PLXNA4: variants seen among roughly 807,000 people sequenced by gnomAD.
The protein encoded by PLXNA4 is plexin-A4.
A neutral mutation model predicts 191.8 loss-of-function variants in PLXNA4; 44 were observed. The ratio of observed to expected loss-of-function variants is 0.23; its 90% CI spans 0.18 to 0.29. PLXNA4 has a LOEUF of 0.29. PLXNA4 is among the 10% of genes least tolerant of loss of function. The pLI is 1.00. For synonymous variants in PLXNA4, 1,082 were observed against 1,009.5 expected (o/e 1.07, Z -1.36); for missense variants, 1,800 against 2,488.8 (o/e 0.72, Z 5.89).
intron 4 of PLXNA4, 61 bp downstream of exon 4, chr7:132,298,030 T>C: frequency 6.2e-7 from 1 of 1,606,712 alleles, no homozygotes; most frequent in Non-Finnish European, 8.5e-7. Context: ...AGGTTTGTAC[T>C]GAGCCACAGG....
At chr7:132,159,402 G>A in intron 25 of PLXNA4, 71 bp downstream of exon 25, 1 of 1,581,848 alleles carries the variant, frequency 6.3e-7, no homozygotes, top group South Asian at 1.2e-5. Context: ...CCCTGCCTCT[G>A]CTGACAGGAG....
chr7:132,239,081 T>G (rs1798796504), intron 5 of PLXNA4, among the ~76,000 whole-genome samples: 1 of 152,228 alleles, frequency 6.6e-6, no homozygotes. Context: ...ATGCTGAGAC[T>G]GGAGCAGCTG....
At chr7:132,518,315 C>T (rs1799023364) in intron 1 of PLXNA4, among the ~76,000 whole-genome samples, 2 of 152,176 alleles carry the variant, frequency 1.3e-5, no homozygotes, top group South Asian at 4.1e-4. Flanking sequence ...CAAGTCAAAG[C>T]AACTGTCTTC....
At chr7:132,534,065 C>T (rs1043672366) in intron 1 of PLXNA4, among the ~76,000 whole-genome samples, 14 of 152,048 alleles carry the variant, frequency 9.2e-5, no homozygotes, top group Non-Finnish European at 1.6e-4. Flanking sequence ...ATGAGAACTC[C>T]CAAGGCCAGC....
chr7:132,159,329 G>A (rs901817809), intron 25 of PLXNA4, 144 bp downstream of exon 25: 85 of 1,344,742 alleles, frequency 6.3e-5, no homozygotes, highest in South Asian at 1.3e-4. Context: ...GGGCTCCTGC[G>A]GGGGTCCAGC....
intron 2 of PLXNA4, among the ~76,000 whole-genome samples, chr7:132,618,524 T>C (rs1803198158): frequency 6.6e-6 from 1 of 152,274 alleles, no homozygotes; most frequent in South Asian, 2.1e-4. Flanking sequence ...AACCTCTGAC[T>C]GTTCTCTGCC....
intron 3 of PLXNA4, among the ~76,000 whole-genome samples, chr7:132,333,784 T>C (rs1274966928): frequency 6.6e-6 from 1 of 152,148 alleles, no homozygotes; most frequent in Non-Finnish European, 1.5e-5. Context: ...CCTGTGGGGA[T>C]AAGACACTTC....
Position 132,228,400 on chromosome 7 carries a change from A to G in PLXNA4, c.1674T>C (p.Cys558=), listed in dbSNP as rs1455143987. Residue 558 remains cysteine (C), a synonymous_variant, in exon 6 of 32, where the codon TGT becomes TGC. Transcript: ENST00000321063. ...PRRFASEMKQ[C]VRLTVHPNNI... is the part of the protein sequence containing the mutation. ...TGTTGGGATGGACCGTCAGCCGGAC[A>G]CACTGCTTCATCTCCGAGGCAAACC... 4.3e-6 allele frequency: 7 copies of G among 1,614,002 alleles called. No individual in the cohort carries two copies. Among genetic ancestry groups the G allele is most frequent in the Non-Finnish European group, 5.9e-6 (7 of 1,180,030 alleles).
intron 3 of PLXNA4, chr7:132,352,254 G>C (rs1803519049): frequency 6.6e-6 from 1 of 152,540 alleles, no homozygotes; most frequent in Admixed American, 6.5e-5. Flanking sequence ...TAAGTGCCCA[G>C]AGGCCGAAGC....
At chr7:132,578,690 C>G (rs981418498), upstream of PLXNA4, among the ~76,000 whole-genome samples, 1 of 152,114 alleles carries the variant, frequency 6.6e-6, no homozygotes, top group African/African-American at 2.4e-5. Flanking sequence ...GAAGATGAAC[C>G]AAGCCAGAAT....
intron 5 of PLXNA4, among the ~76,000 whole-genome samples, chr7:132,235,439 A>G (rs1787862731): frequency 6.6e-6 from 1 of 152,190 alleles, no homozygotes; most frequent in South Asian, 2.1e-4. Flanking sequence ...TCCACTTGCC[A>G]TCTTGGAAGA....
At chr7:132,470,205 TC>T (rs1453108127) in intron 3 of PLXNA4, among the ~76,000 whole-genome samples, 2 of 152,130 alleles carry the variant, frequency 1.3e-5, no homozygotes, top group African/African-American at 4.8e-5. Flanking sequence ...TCAATAAATA[TC>T]CAAGAGGGAG....
At chr7:132,331,338 C>G (rs1802583278) in intron 3 of PLXNA4, among the ~76,000 whole-genome samples, 2 of 152,334 alleles carry the variant, frequency 1.3e-5, no homozygotes, top group South Asian at 2.1e-4. Flanking sequence ...CTCACCTTTG[C>G]CAAGGACAGA....
At chr7:132,157,621 CT>C (rs1482760932) in intron 25 of PLXNA4, among the ~76,000 whole-genome samples, 1 of 152,172 alleles carries the variant, frequency 6.6e-6, no homozygotes, top group Non-Finnish European at 1.5e-5. Flanking sequence ...ATGAAGGAGC[CT>C]GCTCCTATCA....
chr7:132,206,471 T>C (rs28698799), intron 10 of PLXNA4, among the ~76,000 whole-genome samples: 2,551 of 148,888 alleles, frequency 0.017, 60 homozygotes, highest in African/African-American at 0.047. Context: ...TGTGTGTGTG[T>C]GCGCATGTGT....
intron 25 of PLXNA4, among the ~76,000 whole-genome samples, chr7:132,157,964 C>A (rs1244663618): frequency 6.6e-6 from 1 of 152,208 alleles, no homozygotes; most frequent in Non-Finnish European, 1.5e-5. Context: ...CAGGTCTGGT[C>A]TGGCTCTAAG....
At chr7:132,148,087 G>A in intron 26 of PLXNA4, 88 bp from the exon 27 acceptor site, 1 of 1,592,194 alleles carries the variant, frequency 6.3e-7, no homozygotes, top group Non-Finnish European at 8.6e-7. Context: ...TTGGCACTAA[G>A]GGGAAATTGG....
chr7:132,475,758 T>TA (rs561862631), intron 3 of PLXNA4, among the ~76,000 whole-genome samples: 8 of 150,362 alleles, frequency 5.3e-5, no homozygotes, highest in East Asian at 2.0e-4. Context: ...AAGGAGCACT[T>TA]AAAAAAAAGC....
chr7:132,494,035 T>G (rs1194362089), intron 2 of PLXNA4, among the ~76,000 whole-genome samples: 1 of 152,192 alleles, frequency 6.6e-6, no homozygotes, highest in Non-Finnish European at 1.5e-5. Context: ...AGAACAATGT[T>G]TGGCACTTAG....
Sources: allele counts gnomAD v4.1 joint callset (sites outside exome capture counted in the v4.1 genomes callset), GRCh38; gene constraint gnomAD v4.1.1; transcripts MANE v1.5; gene names NCBI Gene and HGNC (gene_info 2026-07-23, HGNC 2026-07-21).